The following ST8SIA4 variants were observed in gnomAD, a reference collection of about 807,000 sequenced individuals.
ST8SIA4 encodes the protein CMP-N-acetylneuraminate-poly-alpha-2,8-sialyltransferase.
Under a neutral mutation model 33.9 loss-of-function variants are expected in ST8SIA4, and 15 were observed. That is an observed-to-expected ratio of 0.44 (90% CI 0.30 to 0.68). The LOEUF is 0.68. ST8SIA4 is among the 30% of genes least tolerant of loss of function. The pLI, the probability that ST8SIA4 is intolerant of heterozygous loss-of-function variation, is 0.10. For missense variants in ST8SIA4, 321 were observed against 428.0 expected (o/e 0.75, Z 2.21); for synonymous variants, 171 against 151.2 (o/e 1.13, Z -0.96).
chr5:100,856,481 A>G (rs1751816131), intron 3 of ST8SIA4, 85 bp from the exon 4 acceptor site: 1 of 1,315,330 alleles, frequency 7.6e-7, no homozygotes, highest in Non-Finnish European at 1.0e-6. Flanking sequence ...AAGAATGGGA[A>G]ATAAGCATTT....
At chr5:100,827,227 A>G (rs1751166806) in intron 4 of ST8SIA4, among the ~76,000 whole-genome samples, 1 of 152,216 alleles carries the variant, frequency 6.6e-6, no homozygotes, top group Non-Finnish European at 1.5e-5. Flanking sequence ...TCAAGAAATA[A>G]ATATAAAATA....
intron 3 of ST8SIA4, among the ~76,000 whole-genome samples, chr5:100,877,204 T>C (rs1381824770): frequency 6.6e-6 from 1 of 152,070 alleles, no homozygotes; most frequent in Non-Finnish European, 1.5e-5. Flanking sequence ...AACAAATCAA[T>C]CATATCTACA....
At chr5:100,848,215 A>T (rs1212806371) in intron 4 of ST8SIA4, among the ~76,000 whole-genome samples, 1 of 151,858 alleles carries the variant, frequency 6.6e-6, no homozygotes, top group Non-Finnish European at 1.5e-5. Context: ...GAAAATCCTA[A>T]GTGACCACAG....
chr5:100,872,155 T>C (rs1358207661), intron 3 of ST8SIA4, among the ~76,000 whole-genome samples: 2 of 151,996 alleles, frequency 1.3e-5, no homozygotes, highest in African/African-American at 2.4e-5. Context: ...ATGTATCAGG[T>C]TTTTCTTGGA....
intron 3 of ST8SIA4, among the ~76,000 whole-genome samples, chr5:100,867,560 G>T (rs1752094119): frequency 6.6e-6 from 1 of 151,862 alleles, no homozygotes. Flanking sequence ...TGTTAATAAG[G>T]TATGTACAAT....
chr5:100,866,778 G>C (rs138611421), intron 3 of ST8SIA4, among the ~76,000 whole-genome samples: 1 of 152,086 alleles, frequency 6.6e-6, no homozygotes, highest in Non-Finnish European at 1.5e-5. Context: ...TGATTTGTAA[G>C]TGCTAGAGCT....
intron 4 of ST8SIA4, among the ~76,000 whole-genome samples, chr5:100,829,786 C>T (rs1015499256): frequency 1.1e-4 from 17 of 151,722 alleles, no homozygotes; most frequent in African/African-American, 2.7e-4. Flanking sequence ...TGGGCGCCTG[C>T]AGTCCCAGCT....
chr5:100,857,589 T>C, intron 3 of ST8SIA4, among the ~76,000 whole-genome samples: 1 of 152,042 alleles, frequency 6.6e-6, no homozygotes, highest in East Asian at 1.9e-4. Context: ...TTTTCTGCAT[T>C]TTTGCATGTT....
intron 4 of ST8SIA4, among the ~76,000 whole-genome samples, chr5:100,824,370 G>C (rs1751097435): frequency 6.6e-6 from 1 of 152,104 alleles, no homozygotes; most frequent in Non-Finnish European, 1.5e-5. Context: ...GAAATATTAA[G>C]TTTAAAATAT....
intron 1 of ST8SIA4, among the ~76,000 whole-genome samples, chr5:100,900,733 C>G (rs1752889578): frequency 8.4e-6 from 1 of 118,522 alleles, no homozygotes; most frequent in Admixed American, 1.3e-4. Context: ...AGCCAGTTGC[C>G]GACTGAGCTT....
chr5:100,886,434 T>G lies in ST8SIA4; in HGVS notation c.412A>C (p.Arg138=), dbSNP rs772724895. The change falls in exon 3 of 5, where the codon AGG becomes CGG. Residue 138 remains arginine (R), a synonymous_variant. Transcript: ENST00000231461. ...CCAACAACTGCACAGGTCTTAAACCTGCGATTCTTCATTGGTGAAACTTCA... is the reference window on the plus strand; with the variant it reads ...CCAACAACTGCACAGGTCTTAAACCGGCGATTCTTCATTGGTGAAACTTCA... ...LPEVSPMKNR[R]FKTCAVVGNS... 3 of 1,613,956 alleles carry G rather than the reference T, an allele frequency of 1.9e-6. No individual in the cohort carries two copies. The highest frequency in any genetic ancestry group is 2.2e-5 in the South Asian group (2 of 91,080).
chr5:100,828,748 T>C (rs1751193303), intron 4 of ST8SIA4, among the ~76,000 whole-genome samples: 1 of 152,166 alleles, frequency 6.6e-6, no homozygotes, highest in Non-Finnish European at 1.5e-5. Flanking sequence ...TCCTTAGTCT[T>C]GAACAAGCAT....
In ST8SIA4 at chr5:100,902,667, G is replaced by A. The variant is rs951147263; in HGVS notation, c.113+176C>T. Among the ~76,000 whole-genome samples, 4 of 152,196 alleles carry A rather than the reference G, an allele frequency of 2.6e-5. No individual in the cohort carries two copies. The South Asian group carries it at 8.3e-4, about 31-fold the overall frequency. ...GCAAGTTGAACTCATACTGGGAACA[G>A]CTTAGAGAAGCACGCACATCTCAAC... On this transcript the variant is annotated intron_variant, in intron 1 of 4. Transcript: ENST00000231461.
intron 4 of ST8SIA4, among the ~76,000 whole-genome samples, chr5:100,835,184 A>G (rs1431994646): frequency 1.3e-5 from 2 of 152,148 alleles, no homozygotes; most frequent in Non-Finnish European, 2.9e-5. Context: ...GTTCAGATCT[A>G]TTAGTAAATG....
chr5:100,900,574 T>G, intron 1 of ST8SIA4: 1 of 448,650 alleles, frequency 2.2e-6, no homozygotes, highest in African/African-American at 2.0e-5. Context: ...CCTCGCATTG[T>G]TCCTGGCAGC....
intron 4 of ST8SIA4, among the ~76,000 whole-genome samples, chr5:100,814,299 TGAG>T (rs1232160657): frequency 5.3e-5 from 8 of 152,126 alleles, no homozygotes; most frequent in African/African-American, 1.9e-4. Flanking sequence ...TTGAAAATAA[TGAG>T]TAGAGTGACT....
At chr5:100,896,257 C>T (rs1752777942) in intron 1 of ST8SIA4, among the ~76,000 whole-genome samples, 1 of 152,024 alleles carries the variant, frequency 6.6e-6, no homozygotes, top group South Asian at 2.1e-4. Context: ...CAATGGAGTA[C>T]TATTCAGCCC....
chr5:100,851,232 AT>A (rs1751692508), intron 4 of ST8SIA4, among the ~76,000 whole-genome samples: 1 of 152,026 alleles, frequency 6.6e-6, no homozygotes, highest in Non-Finnish European at 1.5e-5. Flanking sequence ...AAGTGATGGG[AT>A]TACAGGCATA....
chr5:100,889,643 T>A (rs1752616347), intron 2 of ST8SIA4, among the ~76,000 whole-genome samples: 1 of 151,972 alleles, frequency 6.6e-6, no homozygotes, highest in African/African-American at 2.4e-5. Flanking sequence ...AAGTTCCTGA[T>A]TATAAGTAAA....
Sources: allele counts gnomAD v4.1 joint callset (sites outside exome capture counted in the v4.1 genomes callset), GRCh38; gene constraint gnomAD v4.1.1; transcripts MANE v1.5; gene names NCBI Gene and HGNC (gene_info 2026-07-23, HGNC 2026-07-21).